Variants in KCNQ3 observed in about 807,000 individuals in gnomAD.
KCNQ3 encodes potassium voltage-gated channel subfamily KQT member 3.
A neutral mutation model predicts 92.5 loss-of-function variants in KCNQ3; 30 were observed. That is an observed-to-expected ratio of 0.32 (90% CI 0.24 to 0.44). The LOEUF is 0.44. Among genes scored for constraint, KCNQ3 ranks in the 20% least tolerant of loss-of-function variants. The pLI, the probability that KCNQ3 is intolerant of heterozygous loss-of-function variation, is 1.00. For missense variants in KCNQ3, 913 were observed against 1,140.3 expected, an observed-to-expected ratio of 0.80 and a Z score of 2.87; for synonymous variants, 450 against 468.8, an observed-to-expected ratio of 0.96 and a Z score of 0.52.
At chr8:132,286,567 G>T (rs561797111) in intron 1 of KCNQ3, among the ~76,000 whole-genome samples, 1 of 152,302 alleles carries the variant, frequency 6.6e-6, no homozygotes, top group East Asian at 1.9e-4. Flanking sequence ...TTGAGTCTCA[G>T]ATGAGACTTT....
chr8:132,348,046 C>T (rs947879634), intron 1 of KCNQ3, among the ~76,000 whole-genome samples: 3 of 150,602 alleles, frequency 2.0e-5, no homozygotes, highest in Non-Finnish European at 3.0e-5. Flanking sequence ...CTTGAGGATG[C>T]TCCAAGGCAG....
chr8:132,316,047 G>A (rs955685060), intron 1 of KCNQ3, among the ~76,000 whole-genome samples: 1 of 152,178 alleles, frequency 6.6e-6, no homozygotes, highest in African/African-American at 2.4e-5. Flanking sequence ...CTGGAAAAGG[G>A]AATCTGCGGT....
chr8:132,168,221 A>G (rs1826197537), intron 8 of KCNQ3, among the ~76,000 whole-genome samples: 1 of 151,904 alleles, frequency 6.6e-6, no homozygotes, highest in South Asian at 2.1e-4. Context: ...CTTACTCTGA[A>G]CCCTGCAATA....
chr8:132,305,302 T>C (rs1817384607), intron 1 of KCNQ3, among the ~76,000 whole-genome samples: 1 of 152,224 alleles, frequency 6.6e-6, no homozygotes, highest in African/African-American at 2.4e-5. Context: ...ACCATAACTC[T>C]GTATGAACTT....
rs941833552 is a variant in KCNQ3 at position 132,480,580 on chromosome 8, G to A, written c.-48C>T. 1.6e-6 allele frequency: 2 copies of A among 1,253,304 alleles called. No homozygotes were observed. Among genetic ancestry groups the A allele is most frequent in the Admixed American group, 4.7e-5 (2 of 42,220 alleles). The allele number at this position is 1,253,304 out of a possible 1,614,324, so 77.6% of individuals were successfully genotyped here. A position where few individuals can be genotyped will look rare whatever the true frequency, so the allele number is the denominator to read the frequency against. ...TTCGCCTTCTCCGCTGCTGCTCTGG[G>A]AAGAAGGGGCGCTCGGGGTGCGTGA... On this transcript the variant is annotated 5_prime_UTR_variant, in exon 1 of 15. Coordinates refer to ENST00000388996, the MANE Select transcript of KCNQ3 (RefSeq NM_004519.4).
intron 1 of KCNQ3, among the ~76,000 whole-genome samples, chr8:132,332,641 T>C (rs1162039298): frequency 6.6e-6 from 1 of 152,258 alleles, no homozygotes; most frequent in Non-Finnish European, 1.5e-5. Flanking sequence ...GTCCTTGTGT[T>C]TCCCCACAAC....
chr8:132,184,505 TG>T, intron 2 of KCNQ3, 138 bp from the exon 3 acceptor site: 1 of 546,706 alleles, frequency 1.8e-6, no homozygotes, highest in Non-Finnish European at 3.4e-6. Context: ...TGGCTGGGGA[TG>T]GGGGTGGGGA....
At chr8:132,284,244 G>A (rs1438281914) in intron 1 of KCNQ3, among the ~76,000 whole-genome samples, 2 of 152,138 alleles carry the variant, frequency 1.3e-5, no homozygotes, top group Admixed American at 1.3e-4. Flanking sequence ...GGCATGAGGA[G>A]GCAGATTCCA....
At chr8:132,290,827 T>C (rs952707380) in intron 1 of KCNQ3, among the ~76,000 whole-genome samples, 4 of 152,122 alleles carry the variant, frequency 2.6e-5, no homozygotes, top group Non-Finnish European at 5.9e-5. Context: ...GACACACTAC[T>C]GTGAGAAATC....
intron 1 of KCNQ3, among the ~76,000 whole-genome samples, chr8:132,412,772 C>G (rs1820683904): frequency 6.6e-6 from 1 of 152,172 alleles, no homozygotes; most frequent in Non-Finnish European, 1.5e-5. Context: ...CCATCACTGT[C>G]CAGCAGCACT....
chr8:132,349,915 T>G (rs1354978141), intron 1 of KCNQ3, among the ~76,000 whole-genome samples: 1 of 152,200 alleles, frequency 6.6e-6, no homozygotes, highest in African/African-American at 2.4e-5. Flanking sequence ...AGAGGTGAAA[T>G]GACACGCTGA....
rs1482987994 is a variant in KCNQ3, at chr8:132,480,128, C to T, written c.386+19G>A. ...AAGCGCGCCGCCGCCGAGGGCGCCC[C>T]GAGCGGCCGGGTACTCACACCAACG... On this transcript the variant is annotated intron_variant, in intron 1 of 14. Transcript: ENST00000388996. 1 of 1,607,678 alleles carries T rather than the reference C, an allele frequency of 6.2e-7. No homozygotes were observed. The highest frequency in any genetic ancestry group is 1.1e-5 in the South Asian group (1 of 90,334).
In KCNQ3 at chr8:132,338,199, C is replaced by G. The variant is rs1375414112; in HGVS notation, c.386+141948G>C. ...ATGGCCCTGTGAGAGTATCAGCATG[C>G]CTAGGAGGACCTTGGAGGTGAGGAG... On this transcript the variant is annotated intron_variant, in intron 1 of 14. Coordinates refer to ENST00000388996, the MANE Select transcript of KCNQ3 (RefSeq NM_004519.4). Among the ~76,000 whole-genome samples the G allele has an allele frequency of 3.9e-5, 6 of 152,230 alleles. No homozygotes were observed. The East Asian group carries it at 1.2e-3, about 29-fold the overall frequency.
rs1824750769 is a variant in KCNQ3, at chr8:132,128,726, A to G, written c.*536T>C. 1 of 157,880 alleles carries G rather than the reference A, an allele frequency of 6.3e-6. No individual in the cohort carries two copies. Among genetic ancestry groups the G allele is most frequent in the Non-Finnish European group, 1.4e-5 (1 of 71,098 alleles). The allele number at this position is 157,880 out of a possible 1,614,324, so 9.8% of individuals were successfully genotyped here. A position where few individuals can be genotyped will look rare whatever the true frequency, so the allele number is the denominator to read the frequency against. On this transcript the variant is annotated 3_prime_UTR_variant, in exon 15 of 15. Coordinates refer to ENST00000388996, the MANE Select transcript of KCNQ3 (RefSeq NM_004519.4). The stretch of plus-strand genomic sequence containing the variant: ...TTAAATTCTTTGTTTTAGAGACACA[A>G]TGACTATCTCATTCCTTTCCTAATG...
At chr8:132,353,031 C>G (rs1343628971) in intron 1 of KCNQ3, among the ~76,000 whole-genome samples, 3 of 152,118 alleles carry the variant, frequency 2.0e-5, no homozygotes, top group Admixed American at 1.3e-4. Flanking sequence ...TTGAGACCAG[C>G]CTGCCCAACA....
intron 11 of KCNQ3, among the ~76,000 whole-genome samples, chr8:132,139,657 G>A (rs1183166913): frequency 6.6e-6 from 1 of 152,068 alleles, no homozygotes; most frequent in Admixed American, 6.6e-5. Flanking sequence ...TTATTATCTT[G>A]TTAAAAATGC....
intron 1 of KCNQ3, among the ~76,000 whole-genome samples, chr8:132,242,538 T>C (rs1176917778): frequency 6.6e-6 from 1 of 152,234 alleles, no homozygotes; most frequent in African/African-American, 2.4e-5. Context: ...ACATCTGTAC[T>C]ACACCACTTC....
At chr8:132,250,992 C>G (rs1278243166) in intron 1 of KCNQ3, among the ~76,000 whole-genome samples, 3 of 152,154 alleles carry the variant, frequency 2.0e-5, no homozygotes, top group Non-Finnish European at 4.4e-5. Flanking sequence ...GGCACCATGG[C>G]TTATGCCTGT....
rs373446691 is a variant in KCNQ3, at chr8:132,205,815, G to A, written c.387-19634C>T. Reference sequence around the variant, plus strand: ...AATGACAGTCTTGCTGTGACTGCAGGTATTGGGGACAGCACCCTGCTTCTA... The same window carrying A: ...AATGACAGTCTTGCTGTGACTGCAGATATTGGGGACAGCACCCTGCTTCTA... On this transcript the variant is annotated intron_variant, in intron 1 of 14. Coordinates refer to ENST00000388996, the MANE Select transcript of KCNQ3 (RefSeq NM_004519.4). Among the ~76,000 whole-genome samples the A allele has an allele frequency of 7.9e-5, 12 of 152,262 alleles. No individual in the cohort carries two copies. The East Asian group carries it at 1.5e-3, about 20-fold the overall frequency.
Sources: gnomAD v4.1 joint callset for allele counts (sites outside exome capture counted in the v4.1 genomes callset) on GRCh38, gnomAD v4.1.1 for gene constraint, MANE v1.5 for transcripts, NCBI Gene and HGNC (gene_info 2026-07-23, HGNC 2026-07-21) for gene names.